Variants in MACF1 observed in about 807,000 individuals in gnomAD.
MACF1 encodes the protein microtubule-actin cross-linking factor 1.
Under a neutral mutation model 854.8 loss-of-function variants are expected in MACF1, and 193 were observed. The observed-to-expected ratio is 0.23, with a 90% CI of 0.20 to 0.25. MACF1 has a LOEUF of 0.25. Ranked by LOEUF, MACF1 falls within the 10% of genes least tolerant of loss-of-function variation. The pLI is 1.00. For synonymous variants in MACF1, 3,185 were observed against 3,226.7 expected (o/e 0.99, Z 0.44); for missense variants, 7,722 against 8,929.1 (o/e 0.86, Z 5.45).
chr1:39,270,453 G>T (rs1191760432), intron 6 of MACF1, among the ~76,000 whole-genome samples: 2 of 152,158 alleles, frequency 1.3e-5, no homozygotes, highest in African/African-American at 2.4e-5. Flanking sequence ...ATTGAGGCAT[G>T]GATGGTGCTG....
intron 58 of MACF1, among the ~76,000 whole-genome samples, chr1:39,393,875 G>A (rs913714895): frequency 2.5e-4 from 36 of 141,998 alleles, no homozygotes; most frequent in Non-Finnish European, 4.8e-4. Context: ...GAAAGAAAGA[G>A]AGAAAGAAAA....
At chr1:39,464,926 A>T in intron 94 of MACF1, 169 bp from the exon 95 acceptor site, 1 of 607,498 alleles carries the variant, frequency 1.6e-6, no homozygotes, top group Non-Finnish European at 2.9e-6. Context: ...AAAAAAAAAA[A>T]TTAAAACCAC....
At chr1:39,282,071 A>G (rs1352874118) in intron 6 of MACF1, 137 bp from the exon 7 acceptor site, 6 of 653,622 alleles carry the variant, frequency 9.2e-6, no homozygotes, top group East Asian at 2.9e-5. Flanking sequence ...GAGGGGGAAT[A>G]TATGTTGGAA....
At position 39,295,027 on chromosome 1, in the gene MACF1, A is replaced by C; in HGVS notation, c.2155-19A>C. 6.3e-7 allele frequency: 1 copy of C among 1,588,056 alleles called. No individual in the cohort carries two copies. Among genetic ancestry groups the C allele is most frequent in the Non-Finnish European group, 8.6e-7 (1 of 1,156,446 alleles). On this transcript the variant is annotated intron_variant, in intron 18 of 100. Transcript: ENST00000564288. ...ACTGCCAAGAGTGCTTATGCTGTAA[A>C]ATTGAATTCCATTTTCAGGAGTTGA...
chr1:39,483,901 T>C (rs1436126336), intron 99 of MACF1, among the ~76,000 whole-genome samples: 1 of 152,196 alleles, frequency 6.6e-6, no homozygotes, highest in Non-Finnish European at 1.5e-5. Flanking sequence ...CCTGTAATCC[T>C]AGCACTTTGG....
rs558791465 is a variant in MACF1 at position 39,346,766 on chromosome 1, A to G, written c.10582-211A>G. ...CATCTCCTGACCTTGTGATCCGCCCACCTTGGCCTCCCAAAGTGCTGGGAT... is the reference window on the plus strand; with the variant it reads ...CATCTCCTGACCTTGTGATCCGCCCGCCTTGGCCTCCCAAAGTGCTGGGAT... On this transcript the variant is annotated intron_variant, in intron 40 of 100. Coordinates refer to ENST00000564288, the MANE Select transcript of MACF1 (RefSeq NM_001394062.1). Among the ~76,000 whole-genome samples the G allele has an allele frequency of 1.8e-4, 28 of 152,082 alleles. No individual in the cohort carries two copies. The East Asian group carries it at 4.3e-3, about 23-fold the overall frequency.
chr1:39,477,797 T>C (rs1186569558), intron 97 of MACF1, among the ~76,000 whole-genome samples: 1 of 152,010 alleles, frequency 6.6e-6, no homozygotes, highest in Non-Finnish European at 1.5e-5. Flanking sequence ...CTCTGTAACA[T>C]AGGGATGCTA....
chr1:39,410,917 G>T, intron 58 of MACF1: 4 of 1,614,006 alleles, frequency 2.5e-6, no homozygotes, highest in Non-Finnish European at 3.4e-6. Context: ...AGACTGCCAG[G>T]ACTTTAGATT....
intron 1 of MACF1, among the ~76,000 whole-genome samples, chr1:39,215,104 T>C (rs563273128): frequency 2.7e-4 from 41 of 152,302 alleles, no homozygotes; most frequent in South Asian, 6.2e-4. Flanking sequence ...GGTGCTACTT[T>C]TGAACAGCAT....
At chr1:39,421,919 A>G (rs1272652081) in intron 58 of MACF1, among the ~76,000 whole-genome samples, 7 of 151,974 alleles carry the variant, frequency 4.6e-5, no homozygotes, top group East Asian at 1.9e-4. Flanking sequence ...CTAAAAATGC[A>G]AAAAAATTAG....
chr1:39,332,920 G>T lies in MACF1; in HGVS notation c.6332G>T (p.Gly2111Val), dbSNP rs776642330. ...TTAGAGGTACAAAGGCAGTTGATAG[G>T]TACCCAAAGGGAAGACCAAACAGCA... ...VKLEVQRQLI[G>V]TQREDQTAVS... The change falls in exon 37 of 101, where the codon GGT becomes GTT. Residue 2111 changes from glycine to valine, a missense_variant. Coordinates refer to ENST00000564288, the MANE Select transcript of MACF1 (RefSeq NM_001394062.1). The T allele has an allele frequency of 2.3e-5, 37 of 1,614,002 alleles. No homozygotes were observed. Among genetic ancestry groups the T allele is most frequent in the Non-Finnish European group, 2.7e-5 (32 of 1,180,034 alleles).
chr1:39,357,753 A>C lies in MACF1; in HGVS notation c.11803A>C (p.Arg3935=), dbSNP rs746922448. The part of the protein sequence containing the change: ...EDVISHKGDL[R]FVTISGQKVL... ...TGTCATTTCCCACAAAGGAGACTTGAGATTTGTGACTATCTCAGGACAGAA... is the reference window on the plus strand; with the variant it reads ...TGTCATTTCCCACAAAGGAGACTTGCGATTTGTGACTATCTCAGGACAGAA... The change falls in exon 45 of 101, where the codon AGA becomes CGA. Residue 3935 remains arginine (R), a synonymous_variant. Coordinates refer to ENST00000564288, the MANE Select transcript of MACF1 (RefSeq NM_001394062.1). 2.0e-5 allele frequency: 33 copies of C among 1,614,062 alleles called. No homozygotes were observed.
At chr1:39,293,972 G>C (rs1205306609) in intron 18 of MACF1, among the ~76,000 whole-genome samples, 1 of 151,992 alleles carries the variant, frequency 6.6e-6, no homozygotes, top group African/African-American at 2.4e-5. Context: ...ATAACCTTGG[G>C]AAGTCATTTA....
rs1485634643 is a variant in MACF1 at position 39,381,834 on chromosome 1, GTAAA to G, written c.13649-107_13649-104del. 5.2e-5 allele frequency: 39 copies of G among 753,260 alleles called. No individual in the cohort carries two copies. The South Asian group carries it at 5.6e-4, about 11-fold the overall frequency. The allele number at this position is 753,260 out of a possible 1,614,324, so 46.7% of individuals were successfully genotyped here. A position where few individuals can be genotyped will look rare whatever the true frequency, so the allele number is the denominator to read the frequency against. On this transcript the variant is annotated intron_variant, in intron 55 of 100. Transcript: ENST00000564288. The stretch of plus-strand genomic sequence containing the variant: ...TAGAGTGAGACACTGTCTCAAATAA[GTAAA>G]TAAATAAATAACGCTTCTGGGGTCA...
intron 1 of MACF1, among the ~76,000 whole-genome samples, chr1:39,210,317 C>T (rs142712215): frequency 9.4e-4 from 143 of 152,022 alleles, no homozygotes; most frequent in Non-Finnish European, 4.3e-4. Flanking sequence ...GCTCAAATAG[C>T]TAAAGCATTA....
intron 2 of MACF1, among the ~76,000 whole-genome samples, chr1:39,174,117 G>C (rs1643992326): frequency 6.6e-6 from 1 of 152,136 alleles, no homozygotes; most frequent in Admixed American, 6.6e-5. Flanking sequence ...GCTTCTACTA[G>C]CCTTTCTTTC....
At chr1:39,190,155 T>TA (rs1442940722) in intron 2 of MACF1, among the ~76,000 whole-genome samples, 1 of 152,198 alleles carries the variant, frequency 6.6e-6, no homozygotes, top group Non-Finnish European at 1.5e-5. Context: ...TATCAAAGGT[T>TA]AACCAGAGAG....
At chr1:39,411,354 AAG>A in intron 58 of MACF1, 4 of 1,614,032 alleles carry the variant, frequency 2.5e-6, no homozygotes, top group Non-Finnish European at 3.4e-6. Context: ...TTTTTGAAGA[AAG>A]AGAACAAGCA....
intron 2 of MACF1, among the ~76,000 whole-genome samples, chr1:39,144,905 T>C (rs1643429166): frequency 6.6e-6 from 1 of 152,232 alleles, no homozygotes; most frequent in Non-Finnish European, 1.5e-5. Flanking sequence ...TTTTTTCCAC[T>C]TATCCTTTCC....
Sources: allele counts gnomAD v4.1 joint callset (sites outside exome capture counted in the v4.1 genomes callset), GRCh38; gene constraint gnomAD v4.1.1; transcripts MANE v1.5; gene names NCBI Gene and HGNC (gene_info 2026-07-23, HGNC 2026-07-21).